The following PCNX2 variants were observed in gnomAD, a reference collection of about 807,000 sequenced individuals.
PCNX2 encodes pecanex-like protein 2.
A neutral mutation model predicts 223.8 loss-of-function variants in PCNX2; 168 were observed. The ratio of observed to expected loss-of-function variants is 0.75; its 90% CI spans 0.66 to 0.85. The LOEUF is 0.85. Ranked by LOEUF, PCNX2 falls within the 40% of genes least tolerant of loss-of-function variation. The pLI, the probability that PCNX2 is intolerant of heterozygous loss-of-function variation, is 0.00. For synonymous variants in PCNX2, 1,006 were observed against 1,052.6 expected, an observed-to-expected ratio of 0.96 and a Z score of 0.86; for missense variants, 2,507 against 2,675.5, an observed-to-expected ratio of 0.94 and a Z score of 1.39.
At chr1:233,189,522 G>A (rs918429871) in intron 15 of PCNX2, among the ~76,000 whole-genome samples, 4 of 152,116 alleles carry the variant, frequency 2.6e-5, no homozygotes, top group Non-Finnish European at 5.9e-5. Context: ...ATAATAAAAT[G>A]AAGGAATTGC....
chr1:233,179,101 A>G lies in PCNX2; in HGVS notation c.3141T>C (p.His1047=). 1 of 1,613,884 alleles carries G rather than the reference A, an allele frequency of 6.2e-7. No homozygotes were observed. The highest frequency in any genetic ancestry group is 1.1e-5 in the South Asian group (1 of 91,076). ...FCGLLVALSY[H]LSRQSSDPSV... ...ATGGGTCACTGCTCTGACGGCTCAG[A>G]TGGTAAGAAAGGGCGACCAAGAGGC... The change falls in exon 16 of 34, where the codon CAT becomes CAC. Residue 1047 remains histidine (H), a synonymous_variant. Transcript: ENST00000258229.
rs754079857 is a variant in PCNX2 at position 233,095,755 on chromosome 1, G to A, written c.3946C>T (p.His1316Tyr). ...GTGAAAATAGAAGCAGAAAGGATAC[G>A]AGGAATGGCAAAGAGCTGAGCAAAC... ...HVFAQLFAIPHSAMLFFQTIA... is the reference protein window; with the variant it reads ...HVFAQLFAIPYSAMLFFQTIA... The change falls in exon 22 of 34, where the codon CAT becomes TAT. Residue 1316 changes from histidine to tyrosine, a missense_variant and splice_region_variant. Around this residue, in one of 3 missense-constraint regions of PCNX2, gnomAD observed 1,372 missense variants for 1,509.4 expected, o/e 0.91. Coordinates refer to ENST00000258229, the MANE Select transcript of PCNX2 (RefSeq NM_014801.4). 3.8e-6 allele frequency: 6 copies of A among 1,595,850 alleles called. No homozygotes were observed. The highest frequency in any genetic ancestry group is 4.5e-5 in the East Asian group (2 of 44,510).
chr1:233,291,563 G>A, intron 1 of PCNX2: 1 of 606,208 alleles, frequency 1.6e-6, no homozygotes, highest in South Asian at 7.2e-5. Flanking sequence ...AGCCGAGATT[G>A]CGCCATTGCA....
In PCNX2 at chr1:232,986,232, C is replaced by T. The variant is rs766004010; in HGVS notation, c.6100G>A (p.Gly2034Ser). ...STSSTLSFLFGKRSFSSALVI... is the reference protein window; with the variant it reads ...STSSTLSFLFSKRSFSSALVI... ...AGCGCGCTGGAAAAGCTCCTCTTGC[C>T]GAAGAGGAAGCTCAGGGTGGAGCTG... The change falls in exon 33 of 34, where the codon GGC (glycine) becomes AGC (serine). Residue 2034 changes from glycine to serine, a missense_variant. By Grantham distance (56) the Gly-to-Ser change is moderately conservative (BLOSUM62 0). Around this residue, in one of 3 missense-constraint regions of PCNX2, gnomAD observed 1,372 missense variants for 1,509.4 expected, o/e 0.91. Transcript: ENST00000258229. 18 of 1,559,658 alleles carry T rather than the reference C, an allele frequency of 1.2e-5. No homozygotes were observed. In the East Asian group the frequency reaches 1.7e-4, roughly 15 times the overall value.
intron 8 of PCNX2, among the ~76,000 whole-genome samples, chr1:233,248,441 T>C (rs1374316503): frequency 6.6e-6 from 1 of 152,010 alleles, no homozygotes; most frequent in Non-Finnish European, 1.5e-5. Flanking sequence ...ATACTGTTCT[T>C]GCTGGACTTA....
At chr1:233,201,110 TAAA>T (rs201019503) in intron 13 of PCNX2, among the ~76,000 whole-genome samples, 33 of 110,384 alleles carry the variant, frequency 3.0e-4, no homozygotes, top group East Asian at 4.9e-4. Flanking sequence ...CTTAAAGTAT[TAAA>T]AAAAAAAAAA....
At chr1:233,104,069 A>G (rs533308900) in intron 21 of PCNX2, among the ~76,000 whole-genome samples, 3 of 152,260 alleles carry the variant, frequency 2.0e-5, no homozygotes, top group South Asian at 2.1e-4. Context: ...GTACTAGAGG[A>G]AAAAAAGGAC....
chr1:233,218,645 G>A (rs1224706887), intron 10 of PCNX2, among the ~76,000 whole-genome samples: 2 of 152,100 alleles, frequency 1.3e-5, no homozygotes, highest in Non-Finnish European at 1.5e-5. Flanking sequence ...ATTCCCCTGT[G>A]AGATTTTAGG....
At chr1:233,120,103 G>A (rs1424159823) in intron 21 of PCNX2, among the ~76,000 whole-genome samples, 5 of 141,456 alleles carry the variant, frequency 3.5e-5, no homozygotes, top group African/African-American at 1.3e-4. Flanking sequence ...GGAGGCAGAG[G>A]TTGCAGTGAG....
chr1:233,262,228 T>C, intron 2 of PCNX2, 63 bp from the exon 3 acceptor site: 1 of 1,591,738 alleles, frequency 6.3e-7, no homozygotes, highest in Admixed American at 1.8e-5. Flanking sequence ...CATGACTCTT[T>C]TAGTACTAGT....
intron 8 of PCNX2, 56 bp downstream of exon 8, chr1:233,250,683 G>A (rs760937738): frequency 2.2e-5 from 33 of 1,514,030 alleles, no homozygotes; most frequent in African/African-American, 4.2e-5. Flanking sequence ...TATCTTCATC[G>A]CTGTGTCTCC....
rs549601747 is a variant in PCNX2, at chr1:233,117,846, T to A, written c.3837+17167A>T. ...TAAAACGGTGAAACCCCGTCTCTAC[T>A]AAAAATACAAAAAATTAGCCGGGCG... On this transcript the variant is annotated intron_variant, in intron 21 of 33. Transcript: ENST00000258229. Among the ~76,000 whole-genome samples, 136 of 150,786 alleles carry A rather than the reference T, an allele frequency of 9.0e-4. 1 individual carries two copies. Among genetic ancestry groups the A allele is most frequent in the African/African-American group, 2.9e-3 (118 of 41,132 alleles).
intron 31 of PCNX2, 93 bp downstream of exon 31, chr1:232,999,012 G>T: frequency 7.2e-7 from 1 of 1,394,452 alleles, no homozygotes; most frequent in Non-Finnish European, 9.7e-7. Flanking sequence ...AATGGTGGCT[G>T]ACAGTGAAAT....
intron 25 of PCNX2, chr1:233,033,031 A>G: frequency 2.0e-6 from 2 of 985,470 alleles, no homozygotes; most frequent in South Asian, 4.7e-5. Context: ...GGTTCAAAGC[A>G]TATTCCCTCC....
intron 21 of PCNX2, among the ~76,000 whole-genome samples, chr1:233,125,175 A>G (rs1421763295): frequency 6.6e-6 from 1 of 152,176 alleles, no homozygotes; most frequent in Non-Finnish European, 1.5e-5. Context: ...TCAGTGTTTC[A>G]GTGTTGAGCT....
intron 24 of PCNX2, 68 bp from the exon 25 acceptor site, chr1:233,054,551 A>C: frequency 7.8e-7 from 1 of 1,286,286 alleles, no homozygotes; most frequent in Non-Finnish European, 1.1e-6. Flanking sequence ...CCTAGGAAAC[A>C]GTGAGTTGTC....
intron 1 of PCNX2, among the ~76,000 whole-genome samples, chr1:233,280,757 T>C (rs1042131762): frequency 6.6e-6 from 1 of 152,274 alleles, no homozygotes; most frequent in Middle Eastern, 3.2e-3. Flanking sequence ...TAAACATTTA[T>C]GATAGTAACT....
intron 8 of PCNX2, among the ~76,000 whole-genome samples, chr1:233,245,052 C>T (rs529283953): frequency 1.3e-5 from 2 of 152,382 alleles, no homozygotes; most frequent in East Asian, 1.9e-4. Context: ...ACTCCTCCAC[C>T]GGGTTTCATG....
intron 25 of PCNX2, among the ~76,000 whole-genome samples, chr1:233,042,459 G>T (rs1671674880): frequency 6.6e-6 from 1 of 152,184 alleles, no homozygotes; most frequent in Non-Finnish European, 1.5e-5. Context: ...TTCTAGCAGG[G>T]ATCCAGTAGT....
Sources: gnomAD v4.1 joint callset for allele counts (sites outside exome capture counted in the v4.1 genomes callset) on GRCh38, gnomAD v4.1.1 for gene constraint, gnomAD v4.1.1 regional missense constraint, MANE v1.5 for transcripts, NCBI Gene and HGNC (gene_info 2026-07-23, HGNC 2026-07-21) for gene names.